NFU1: variants seen among roughly 807,000 people sequenced by gnomAD.
NFU1 encodes NFU1 iron-sulfur cluster scaffold.
In NFU1, 30 loss-of-function variants were observed where a neutral mutation model predicts 32.2. The ratio of observed to expected loss-of-function variants is 0.93; its 90% CI spans 0.70 to 1.26. The LOEUF is 1.26. Ranked by LOEUF, NFU1 falls within the 50% of genes most tolerant of loss-of-function variation. The pLI is 0.00. For synonymous variants in NFU1, 112 were observed against 104.6 expected (o/e 1.07, Z -0.43); for missense variants, 306 against 306.6 (o/e 1.00, Z 0.02).
chr2:69,411,887 C>G (rs1240461575), intron 5 of NFU1, among the ~76,000 whole-genome samples: 1 of 152,094 alleles, frequency 6.6e-6, no homozygotes, highest in East Asian at 1.9e-4. Flanking sequence ...GGCGTGGTGT[C>G]CAGCCCAGAA....
At position 69,423,611 on chromosome 2, in the gene NFU1, T is replaced by C. The variant is rs1395716316; in HGVS notation, c.273A>G (p.Pro91=). The C allele has an allele frequency of 1.9e-6, 3 of 1,613,698 alleles. No homozygotes were observed. The highest frequency in any genetic ancestry group is 2.5e-6 in the Non-Finnish European group (3 of 1,179,868). The change falls in exon 3 of 8, where the codon CCA becomes CCG. Residue 91 remains proline (P), a synonymous_variant. Coordinates refer to ENST00000410022, the MANE Select transcript of NFU1 (RefSeq NM_001002755.4). ...LETRTMDFPT[P]AAAFRSPLAR... ...CCAGAGGGGAGCGAAATGCTGCAGC[T>C]GGGGTGGGAAAATCCATGGTCCTTG...
At chr2:69,408,006 C>T (rs1404048219) in intron 5 of NFU1, among the ~76,000 whole-genome samples, 3 of 100,506 alleles carry the variant, frequency 3.0e-5, no homozygotes, top group Non-Finnish European at 5.7e-5. Context: ...GAGTGAGACC[C>T]CACCTCAAAA....
At chr2:69,423,021 G>A (rs918484136) in intron 3 of NFU1, among the ~76,000 whole-genome samples, 16 of 151,832 alleles carry the variant, frequency 1.1e-4, no homozygotes, top group Admixed American at 7.9e-4. Flanking sequence ...CTGTTGCCCA[G>A]GCTGGAGTGC....
chr2:69,403,682 A>C (rs1208773481), intron 6 of NFU1, among the ~76,000 whole-genome samples: 1 of 151,474 alleles, frequency 6.6e-6, no homozygotes, highest in Non-Finnish European at 1.5e-5. Flanking sequence ...CGTGCCCACC[A>C]TCTCATGCTT....
intron 1 of NFU1, among the ~76,000 whole-genome samples, chr2:69,433,237 G>A (rs1375291097): frequency 2.6e-5 from 4 of 151,310 alleles, no homozygotes; most frequent in African/African-American, 9.7e-5. Context: ...GGAGTGCAAT[G>A]GCACAATCTC....
intron 3 of NFU1, among the ~76,000 whole-genome samples, chr2:69,421,127 C>A (rs1234304683): frequency 6.6e-6 from 1 of 151,976 alleles, no homozygotes; most frequent in Non-Finnish European, 1.5e-5. Flanking sequence ...TAGCTTGAAC[C>A]CAGGAGGTGG....
chr2:69,403,394 T>C (rs949566465), intron 6 of NFU1, among the ~76,000 whole-genome samples: 1 of 150,812 alleles, frequency 6.6e-6, no homozygotes, highest in African/African-American at 2.4e-5. Context: ...TTTGATTCAT[T>C]TTTTTTTTTC....
intron 5 of NFU1, among the ~76,000 whole-genome samples, chr2:69,413,266 CA>C (rs1672946717): frequency 8.1e-6 from 1 of 123,586 alleles, no homozygotes; most frequent in African/African-American, 3.1e-5. Flanking sequence ...GCCTGGGCAA[CA>C]AGAGCGAAAC....
intron 3 of NFU1, among the ~76,000 whole-genome samples, chr2:69,420,549 T>C (rs1457675641): frequency 6.6e-6 from 1 of 152,242 alleles, no homozygotes; most frequent in African/African-American, 2.4e-5. Flanking sequence ...GTCAGTGCAT[T>C]TGTTGTTCTG....
chr2:69,399,876 A>ATTTTTTT (rs71397328), intron 7 of NFU1, among the ~76,000 whole-genome samples: 1 of 145,770 alleles, frequency 6.9e-6, no homozygotes, highest in Non-Finnish European at 1.5e-5. Context: ...AAGTTACTTC[A>ATTTTTTT]TTTTTTTTTT....
intron 6 of NFU1, among the ~76,000 whole-genome samples, chr2:69,403,312 A>G (rs1672586079): frequency 6.6e-6 from 1 of 152,022 alleles, no homozygotes; most frequent in Non-Finnish European, 1.5e-5. Flanking sequence ...TTATATTACC[A>G]TTTACTGTTT....
upstream of NFU1, among the ~76,000 whole-genome samples, chr2:69,439,518 G>T (rs956928108): frequency 6.6e-6 from 1 of 152,162 alleles, no homozygotes; most frequent in South Asian, 2.1e-4. Context: ...ACTACAAAGA[G>T]CAAAAGAACA....
At chr2:69,403,067 A>C (rs1394742733) in intron 6 of NFU1, among the ~76,000 whole-genome samples, 4 of 140,636 alleles carry the variant, frequency 2.8e-5, no homozygotes, top group African/African-American at 1.1e-4. Context: ...CTTTCATTGT[A>C]GAGACGGGGT....
chr2:69,431,209 G>A (rs751817394), intron 2 of NFU1, among the ~76,000 whole-genome samples: 1 of 151,992 alleles, frequency 6.6e-6, no homozygotes, highest in Non-Finnish European at 1.5e-5. Context: ...CTAAGGTCTG[G>A]ATGAAAGCCA....
chr2:69,417,007 T>A (rs2104775661), intron 4 of NFU1, among the ~76,000 whole-genome samples: 1 of 152,266 alleles, frequency 6.6e-6, no homozygotes, highest in South Asian at 2.1e-4. Context: ...TGATTGGGAA[T>A]GGAAACTAGT....
chr2:69,413,404 G>T (rs6754855), intron 5 of NFU1, among the ~76,000 whole-genome samples: 100,847 of 150,896 alleles, frequency 0.67, 35,276 homozygotes, highest in African/African-American at 0.9. Context: ...TAAAATATAC[G>T]GCTAATGTGG....
chr2:69,421,759 G>A (rs1673252714), intron 3 of NFU1, among the ~76,000 whole-genome samples: 1 of 151,532 alleles, frequency 6.6e-6, no homozygotes, highest in South Asian at 2.1e-4. Context: ...AGTAGAGATG[G>A]GGTTTCACTG....
At position 69,431,962 on chromosome 2, in the gene NFU1, G is replaced by C. The variant is rs763360655; in HGVS notation, c.106C>G (p.Pro36Ala). Residue 36 changes from proline to alanine, a missense_variant, in exon 2 of 8, where the codon CCT (proline) becomes GCT (alanine). Pro to Ala is a conservative substitution (Grantham distance 27, BLOSUM62 -1). Transcript: ENST00000410022. ...GGTCTTTGTACAAACTGATGCAGAG[G>C]CTGTTTCTTAATGGTGTATGGATTC... is the stretch of plus-strand genomic sequence containing the variant. Reference protein sequence around the residue: ...LKNPYTIKKQPLHQFVQRPLF... With the variant: ...LKNPYTIKKQALHQFVQRPLF... 2 of 1,613,542 alleles carry C rather than the reference G, an allele frequency of 1.2e-6. No homozygotes were observed. Among genetic ancestry groups the C allele is most frequent in the Non-Finnish European group, 1.7e-6 (2 of 1,179,680 alleles).
intron 6 of NFU1, among the ~76,000 whole-genome samples, chr2:69,404,148 T>C (rs1444697203): frequency 2.7e-5 from 4 of 150,926 alleles, no homozygotes; most frequent in African/African-American, 9.7e-5. Context: ...TCCAATTAAT[T>C]ATTCTTAATT....
Sources: allele counts gnomAD v4.1 joint callset (sites outside exome capture counted in the v4.1 genomes callset), GRCh38; gene constraint gnomAD v4.1.1; transcripts MANE v1.5; gene names NCBI Gene and HGNC (gene_info 2026-07-23, HGNC 2026-07-21).